CNTN3: variants seen among roughly 807,000 people sequenced by gnomAD.
CNTN3 encodes the protein contactin-3.
In CNTN3, 60 loss-of-function variants were observed where a neutral mutation model predicts 119.1. The observed-to-expected ratio is 0.50, with a 90% CI of 0.41 to 0.62. The LOEUF (loss-of-function observed/expected upper bound fraction) is 0.62, where lower values mean the gene tolerates loss of function less well. Among genes scored for constraint, CNTN3 ranks in the 20% least tolerant of loss-of-function variants. The probability of loss-of-function intolerance (pLI) is 0.00; values close to 1 mark genes in which losing one functional copy is unlikely to be tolerated. For synonymous variants in CNTN3, 450 were observed against 438.7 expected (o/e 1.03, Z -0.32); for missense variants, 1,101 against 1,242.4 (o/e 0.89, Z 1.71).
chr3:74,429,963 A>C (rs1340372050), intron 4 of CNTN3, among the ~76,000 whole-genome samples: 1 of 152,212 alleles, frequency 6.6e-6, no homozygotes, highest in Non-Finnish European at 1.5e-5. Context: ...AATACCTAAA[A>C]ACAAAAAACA....
chr3:74,317,255 G>A (rs1314850521), intron 13 of CNTN3, among the ~76,000 whole-genome samples: 2 of 150,120 alleles, frequency 1.3e-5, no homozygotes, highest in Admixed American at 1.3e-4. Context: ...TGGGTTTCCT[G>A]AATACAGCAC....
chr3:74,586,734 A>G (rs1299808306), intron 1 of CNTN3, among the ~76,000 whole-genome samples: 4 of 152,152 alleles, frequency 2.6e-5, no homozygotes, highest in Non-Finnish European at 2.9e-5. Context: ...AATAACTACT[A>G]TTAGTTAGTA....
At chr3:74,588,871 A>C (rs1575850217) in intron 1 of CNTN3, among the ~76,000 whole-genome samples, 1 of 152,182 alleles carries the variant, frequency 6.6e-6, no homozygotes, top group Non-Finnish European at 1.5e-5. Context: ...TTCCCTATTT[A>C]ATAAATGGTG....
At chr3:74,594,994 T>C (rs1298750464) in intron 1 of CNTN3, among the ~76,000 whole-genome samples, 2 of 152,186 alleles carry the variant, frequency 1.3e-5, no homozygotes, top group Non-Finnish European at 2.9e-5. Flanking sequence ...CCATTCTAAC[T>C]GGCGTGAGAT....
chr3:74,530,710 C>T (rs1465418623), intron 1 of CNTN3, among the ~76,000 whole-genome samples: 2 of 151,794 alleles, frequency 1.3e-5, no homozygotes. Flanking sequence ...TATTATATAT[C>T]CTGGGATGGA....
intron 4 of CNTN3, among the ~76,000 whole-genome samples, chr3:74,439,063 A>G (rs1701917413): frequency 6.6e-6 from 1 of 152,214 alleles, no homozygotes; most frequent in South Asian, 2.1e-4. Context: ...CTTATATAAA[A>G]AGAAGCTAAT....
intron 11 of CNTN3, among the ~76,000 whole-genome samples, chr3:74,360,634 C>T (rs1704054271): frequency 1.3e-5 from 2 of 152,132 alleles, no homozygotes; most frequent in South Asian, 4.1e-4. Flanking sequence ...CTAAAATCAA[C>T]ATTCAGAAGG....
At chr3:74,288,687 C>T (rs1364324830) in intron 19 of CNTN3, among the ~76,000 whole-genome samples, 1 of 152,122 alleles carries the variant, frequency 6.6e-6, no homozygotes, top group Non-Finnish European at 1.5e-5. Flanking sequence ...AGGTCATTCT[C>T]CCAAATTTGG....
chr3:74,496,844 T>C lies in CNTN3; in HGVS notation c.182+2815A>G, dbSNP rs374994128. Among the ~76,000 whole-genome samples the C allele has an allele frequency of 4.6e-5, 7 of 152,136 alleles. No individual in the cohort carries two copies. The East Asian group carries it at 1.2e-3, about 25-fold the overall frequency. ...TAAACCCTAAGACGAGTAATTTCTC[T>C]TGAGAATTTCTGAACTTTTGGATTT... On this transcript the variant is annotated intron_variant, in intron 3 of 22. Transcript: ENST00000263665.
chr3:74,578,240 C>G (rs1024080868), intron 1 of CNTN3, among the ~76,000 whole-genome samples: 8 of 151,682 alleles, frequency 5.3e-5, no homozygotes, highest in Non-Finnish European at 7.4e-5. Flanking sequence ...GAAACTATAC[C>G]AATACTACTG....
chr3:74,318,010 C>T (rs1302285150), intron 13 of CNTN3, among the ~76,000 whole-genome samples: 2 of 152,152 alleles, frequency 1.3e-5, no homozygotes, highest in South Asian at 2.1e-4. Flanking sequence ...CACATAGTCC[C>T]GTATTTCTTG....
chr3:74,334,813 G>A lies in CNTN3; in HGVS notation c.1590C>T (p.Asp530=). The A allele has an allele frequency of 1.9e-6, 3 of 1,613,580 alleles. No individual in the cohort carries two copies. Among genetic ancestry groups the A allele is most frequent in the Non-Finnish European group, 2.5e-6 (3 of 1,179,592 alleles). The change falls in exon 13 of 23, where the codon GAC becomes GAT. Residue 530 remains aspartate (D), a synonymous_variant. Coordinates refer to ENST00000263665, the MANE Select transcript of CNTN3 (RefSeq NM_020872.3). ...PCQVQHDPLL[D]IIFTWYFNGA... is the part of the protein sequence containing the mutation. Reference sequence around the variant, plus strand: ...CATTGAAATACCAGGTAAAGATGATGTCTAACAGCGGGTCATGTTGTACCT... The same window carrying A: ...CATTGAAATACCAGGTAAAGATGATATCTAACAGCGGGTCATGTTGTACCT...
chr3:74,366,778 G>GTATATATATA lies in CNTN3; in HGVS notation c.947-1077_947-1076insTATATATATA, dbSNP rs1485995990. Among the ~76,000 whole-genome samples the GTATATATATA allele has an allele frequency of 1.2e-3, 50 of 40,898 alleles. 1 individual carries two copies. Among genetic ancestry groups the GTATATATATA allele is most frequent in the South Asian group, 6.6e-3 (4 of 602 alleles). The allele number at this position is 40,898 out of a possible 152,430, so 26.8% of individuals were successfully genotyped here. The stretch of plus-strand genomic sequence containing the variant: ...TGTGTGCGTGTGTGTGTGTGTGTGT[G>GTATATATATA]TGTATATATATATATATATATATAT... On this transcript the variant is annotated intron_variant, in intron 8 of 22. Coordinates refer to ENST00000263665, the MANE Select transcript of CNTN3 (RefSeq NM_020872.3).
chr3:74,572,260 C>T (rs1704345910), intron 1 of CNTN3, among the ~76,000 whole-genome samples: 1 of 152,166 alleles, frequency 6.6e-6, no homozygotes, highest in African/African-American at 2.4e-5. Context: ...TTGTACAATA[C>T]ACTTCCTGAT....
chr3:74,479,353 G>A (rs760559871), intron 4 of CNTN3, among the ~76,000 whole-genome samples: 2 of 152,026 alleles, frequency 1.3e-5, no homozygotes, highest in Non-Finnish European at 2.9e-5. Flanking sequence ...AAAACTAGGG[G>A]CAAAGAGAAT....
intron 11 of CNTN3, among the ~76,000 whole-genome samples, chr3:74,359,311 A>C (rs1404046341): frequency 6.6e-6 from 1 of 152,174 alleles, no homozygotes; most frequent in Non-Finnish European, 1.5e-5. Flanking sequence ...AGATCAGTAT[A>C]TGTATATGTA....
chr3:74,413,350 G>A (rs542718566), intron 5 of CNTN3, among the ~76,000 whole-genome samples: 10 of 152,144 alleles, frequency 6.6e-5, no homozygotes, highest in East Asian at 5.8e-4. Flanking sequence ...GAAAGCTGAC[G>A]GATGCAGAGC....
intron 4 of CNTN3, among the ~76,000 whole-genome samples, chr3:74,456,205 T>C (rs1398081885): frequency 1.4e-5 from 2 of 147,040 alleles, no homozygotes; most frequent in Non-Finnish European, 3.0e-5. Context: ...ATGTTTTACA[T>C]GTGTATATAT....
At chr3:74,518,560 C>A (rs1703490462) in intron 2 of CNTN3, among the ~76,000 whole-genome samples, 1 of 151,882 alleles carries the variant, frequency 6.6e-6, no homozygotes, top group Non-Finnish European at 1.5e-5. Flanking sequence ...TCACAAAGTT[C>A]CAAATCTGCT....
Sources: allele counts gnomAD v4.1 joint callset (sites outside exome capture counted in the v4.1 genomes callset), GRCh38; gene constraint gnomAD v4.1.1; transcripts MANE v1.5; gene names NCBI Gene and HGNC (gene_info 2026-07-23, HGNC 2026-07-21).